Variants in HS6ST3 observed in about 807,000 individuals in gnomAD.
HS6ST3 encodes heparan-sulfate 6-O-sulfotransferase 3.
A neutral mutation model predicts 36.7 loss-of-function variants in HS6ST3; 12 were observed. The ratio of observed to expected loss-of-function variants is 0.33; its 90% CI spans 0.21 to 0.53. The LOEUF is 0.53. HS6ST3 is among the 20% of genes least tolerant of loss of function. The pLI is 0.95. For synonymous variants in HS6ST3, 240 were observed against 257.5 expected (o/e 0.93, Z 0.65); for missense variants, 584 against 640.9 (o/e 0.91, Z 0.96).
intron 1 of HS6ST3, among the ~76,000 whole-genome samples, chr13:96,159,235 T>A (rs1292785602): frequency 6.6e-6 from 1 of 152,044 alleles, no homozygotes; most frequent in Non-Finnish European, 1.5e-5. Flanking sequence ...GACACAAGGA[T>A]CAATGAAGGT....
chr13:96,123,673 C>T (rs1175693554), intron 1 of HS6ST3, among the ~76,000 whole-genome samples: 2 of 152,066 alleles, frequency 1.3e-5, no homozygotes, highest in African/African-American at 4.8e-5. Flanking sequence ...TTGAATATGA[C>T]CAGAGTAGAT....
chr13:96,405,702 G>A (rs1360783421), intron 1 of HS6ST3, among the ~76,000 whole-genome samples: 1 of 152,184 alleles, frequency 6.6e-6, no homozygotes, highest in Non-Finnish European at 1.5e-5. Context: ...GCATAGCAGA[G>A]CAAGAATCTT....
At chr13:96,613,294 G>A (rs915544057) in intron 1 of HS6ST3, among the ~76,000 whole-genome samples, 12 of 152,174 alleles carry the variant, frequency 7.9e-5, no homozygotes, top group African/African-American at 2.9e-4. Context: ...TATGCCATAG[G>A]TGGTAACATT....
chr13:96,636,322 T>C (rs1039346217), intron 1 of HS6ST3, among the ~76,000 whole-genome samples: 1 of 152,190 alleles, frequency 6.6e-6, no homozygotes, highest in African/African-American at 2.4e-5. Context: ...TACTAAATAG[T>C]AAGTATGTGG....
intron 1 of HS6ST3, among the ~76,000 whole-genome samples, chr13:96,357,079 C>G (rs2055213740): frequency 6.6e-6 from 1 of 152,234 alleles, no homozygotes; most frequent in African/African-American, 2.4e-5. Context: ...TTCCTCACTT[C>G]TCTCAGCCTT....
At chr13:96,796,848 TAGATG>T (rs759384439) in intron 1 of HS6ST3, among the ~76,000 whole-genome samples, 14 of 151,936 alleles carry the variant, frequency 9.2e-5, no homozygotes, top group Non-Finnish European at 2.1e-4. Context: ...GGTGATAGAG[TAGATG>T]AGCATTTATT....
chr13:96,121,474 C>A (rs2053925054), intron 1 of HS6ST3, among the ~76,000 whole-genome samples: 1 of 152,158 alleles, frequency 6.6e-6, no homozygotes, highest in Non-Finnish European at 1.5e-5. Flanking sequence ...TTGTGGGCAC[C>A]CTCCTTCCCT....
chr13:96,528,107 C>T (rs1386199384), intron 1 of HS6ST3, among the ~76,000 whole-genome samples: 1 of 152,124 alleles, frequency 6.6e-6, no homozygotes, highest in Non-Finnish European at 1.5e-5. Context: ...ATCTTTTTAA[C>T]ATTCTTTTTA....
Position 96,427,815 on chromosome 13 carries a change from A to G in HS6ST3, c.707+336246A>G, listed in dbSNP as rs558886289. ...TTTTATGTTTCCTTTGACTCCTACA[A>G]TCTGTGGCAATTCTTGGACTTGTCT... On this transcript the variant is annotated intron_variant, in intron 1 of 1. Transcript: ENST00000376705. Among the ~76,000 whole-genome samples, 7 of 152,184 alleles carry G rather than the reference A, an allele frequency of 4.6e-5. No homozygotes were observed. The South Asian group carries it at 6.2e-4, about 14-fold the overall frequency.
intron 1 of HS6ST3, among the ~76,000 whole-genome samples, chr13:96,687,596 T>C (rs995182469): frequency 6.6e-6 from 1 of 151,958 alleles, no homozygotes; most frequent in East Asian, 1.9e-4. Context: ...GCATTTTCCA[T>C]CTGTAAAATG....
At chr13:96,231,714 A>C in intron 1 of HS6ST3, among the ~76,000 whole-genome samples, 1 of 152,160 alleles carries the variant, frequency 6.6e-6, no homozygotes, top group East Asian at 1.9e-4. Flanking sequence ...CATGCGCAAA[A>C]GTTTGAGTAG....
Position 96,091,431 on chromosome 13 carries a change from G to T in HS6ST3, c.569G>T (p.Gly190Val), listed in dbSNP as rs1411212330. The T allele has an allele frequency of 3.1e-6, 5 of 1,612,050 alleles. No homozygotes were observed. Among genetic ancestry groups the T allele is most frequent in the Non-Finnish European group, 4.2e-6 (5 of 1,179,462 alleles). Reference protein sequence around the residue: ...GQKKCTCHRPGKKETWLFSRF... With the variant: ...GQKKCTCHRPVKKETWLFSRF... ...AAGAAGTGCACCTGCCACCGGCCTG[G>T]CAAGAAGGAGACGTGGCTCTTCTCC... The change falls in exon 1 of 2, where the codon GGC becomes GTC. Residue 190 changes from glycine to valine, a missense_variant. Transcript: ENST00000376705.
chr13:96,425,254 A>G lies in HS6ST3; in HGVS notation c.707+333685A>G, dbSNP rs532876328. Among the ~76,000 whole-genome samples, 4 of 152,382 alleles carry G rather than the reference A, an allele frequency of 2.6e-5. No homozygotes were observed. The East Asian group carries it at 7.7e-4, about 29-fold the overall frequency. On this transcript the variant is annotated intron_variant, in intron 1 of 1. Transcript: ENST00000376705. Reference sequence around the variant, plus strand: ...GTTTAAAGTGCTAGCACAGAAGCATAGCAAGGAATAAATACATGTGAGCTT... The same window carrying G: ...GTTTAAAGTGCTAGCACAGAAGCATGGCAAGGAATAAATACATGTGAGCTT...
chr13:96,249,103 A>G (rs1022254542), intron 1 of HS6ST3, among the ~76,000 whole-genome samples: 6 of 152,072 alleles, frequency 3.9e-5, no homozygotes, highest in Non-Finnish European at 7.4e-5. Context: ...TCATTCATCT[A>G]ATACCAGCCT....
intron 1 of HS6ST3, among the ~76,000 whole-genome samples, chr13:96,649,875 G>C (rs1268335650): frequency 6.6e-6 from 1 of 152,000 alleles, no homozygotes; most frequent in East Asian, 1.9e-4. Flanking sequence ...GTAAAATACT[G>C]TAGATTTTGC....
chr13:96,281,137 C>A (rs1432880012), intron 1 of HS6ST3, among the ~76,000 whole-genome samples: 1 of 152,076 alleles, frequency 6.6e-6, no homozygotes, highest in Non-Finnish European at 1.5e-5. Flanking sequence ...TCCTGAGTAC[C>A]TGGGACTACA....
chr13:96,235,486 G>T (rs1219986669), intron 1 of HS6ST3, among the ~76,000 whole-genome samples: 1 of 152,130 alleles, frequency 6.6e-6, no homozygotes, highest in Non-Finnish European at 1.5e-5. Flanking sequence ...CCACAAATGG[G>T]TCATAGGGGA....
At chr13:96,831,830 C>T (rs1478726965) in intron 1 of HS6ST3, among the ~76,000 whole-genome samples, 1 of 151,846 alleles carries the variant, frequency 6.6e-6, no homozygotes, top group Non-Finnish European at 1.5e-5. Context: ...TGGCAGGTGC[C>T]TGTAATCCCA....
intron 1 of HS6ST3, among the ~76,000 whole-genome samples, chr13:96,518,330 C>T (rs1464151043): frequency 1.3e-5 from 2 of 152,118 alleles, no homozygotes; most frequent in Non-Finnish European, 2.9e-5. Context: ...CAAACTAATT[C>T]TTATTCCCTT....
Sources: allele counts gnomAD v4.1 joint callset (sites outside exome capture counted in the v4.1 genomes callset), GRCh38; gene constraint gnomAD v4.1.1; transcripts MANE v1.5; gene names NCBI Gene and HGNC (gene_info 2026-07-23, HGNC 2026-07-21).